TRAPPC9: variants seen among roughly 807,000 people sequenced by gnomAD.
TRAPPC9 encodes IKK2 binding protein.
A neutral mutation model predicts 124.0 loss-of-function variants in TRAPPC9; 83 were observed. The ratio of observed to expected loss-of-function variants is 0.67; its 90% CI spans 0.56 to 0.80. The LOEUF (loss-of-function observed/expected upper bound fraction) is 0.80. Ranked by LOEUF, TRAPPC9 falls within the 30% of genes least tolerant of loss-of-function variation. TRAPPC9 has a pLI of 0.00. For missense variants in TRAPPC9, 1,302 were observed against 1,508.3 expected (o/e 0.86, Z 2.27); for synonymous variants, 638 against 617.5 (o/e 1.03, Z -0.49).
In TRAPPC9 at chr8:139,949,460, G is replaced by A. The variant is rs545808247; in HGVS notation, c.2811-39160C>T. 8.1e-4 allele frequency among the ~76,000 whole-genome samples: 124 copies of A among 152,286 alleles called. 3 individuals are homozygous for A. Among genetic ancestry groups the A allele is most frequent in the African/African-American group, 2.7e-3 (112 of 41,550 alleles). The stretch of plus-strand genomic sequence containing the variant: ...CGCACACAAGAGCACACACAGTAGC[G>A]TCATTCGTGACAGACAAAAGGGGCA... On this transcript the variant is annotated intron_variant, in intron 19 of 22. Coordinates refer to ENST00000438773, the MANE Select transcript of TRAPPC9 (RefSeq NM_001160372.4).
intron 18 of TRAPPC9, among the ~76,000 whole-genome samples, chr8:139,989,272 C>T (rs574607003): frequency 3.9e-5 from 6 of 152,044 alleles, no homozygotes; most frequent in Admixed American, 1.3e-4. Flanking sequence ...CCAGGTTCCA[C>T]GCTGGGCCCT....
chr8:140,213,499 C>G (rs1339374815), intron 17 of TRAPPC9, among the ~76,000 whole-genome samples: 2 of 152,274 alleles, frequency 1.3e-5, no homozygotes, highest in African/African-American at 2.4e-5. Context: ...GTTGCTTTGT[C>G]TATGTTGGGT....
chr8:139,846,491 G>T (rs1350948954), intron 21 of TRAPPC9, among the ~76,000 whole-genome samples: 1 of 152,214 alleles, frequency 6.6e-6, no homozygotes, highest in Non-Finnish European at 1.5e-5. Flanking sequence ...AAATCAAGGG[G>T]AGGCAGTGAA....
At chr8:139,799,915 G>T in intron 21 of TRAPPC9, among the ~76,000 whole-genome samples, 1 of 152,248 alleles carries the variant, frequency 6.6e-6, no homozygotes, top group Non-Finnish European at 1.5e-5. Context: ...GGGAAAGACA[G>T]GCAAGGAAAC....
chr8:140,094,452 C>T (rs1469883383), intron 17 of TRAPPC9, among the ~76,000 whole-genome samples: 1 of 152,192 alleles, frequency 6.6e-6, no homozygotes, highest in East Asian at 1.9e-4. Context: ...ACACCTCCTG[C>T]CCACCACCAC....
chr8:139,868,962 T>C (rs542962442), intron 21 of TRAPPC9, among the ~76,000 whole-genome samples: 65 of 152,180 alleles, frequency 4.3e-4, no homozygotes, highest in Admixed American at 2.1e-3. Context: ...ACAGAAGATG[T>C]AGAAGGAAAG....
intron 21 of TRAPPC9, among the ~76,000 whole-genome samples, chr8:139,783,798 C>T (rs549570877): frequency 1.3e-5 from 2 of 152,218 alleles, no homozygotes; most frequent in Admixed American, 6.5e-5. Context: ...ATATCATTAC[C>T]AACTGAAGAT....
rs1288474641 is a variant in TRAPPC9, at chr8:139,852,797, AT to A, written c.3055+33081del. On this transcript the variant is annotated intron_variant, in intron 21 of 22. Transcript: ENST00000438773. ...TCTGGTTGGCAGATGTGTGTTTCTG[AT>A]TGATGACATGAAAAGGTAAGTTCAT... 2.0e-5 allele frequency among the ~76,000 whole-genome samples: 3 copies of A among 152,230 alleles called. No individual in the cohort carries two copies. The East Asian group carries it at 5.8e-4, about 29-fold the overall frequency.
intron 21 of TRAPPC9, among the ~76,000 whole-genome samples, chr8:139,868,572 T>C (rs566723535): frequency 6.6e-6 from 1 of 152,280 alleles, no homozygotes; most frequent in South Asian, 2.1e-4. Flanking sequence ...ATAAATATAT[T>C]GGGAAAAACG....
At chr8:139,802,767 C>T (rs1237114626) in intron 21 of TRAPPC9, among the ~76,000 whole-genome samples, 1 of 152,168 alleles carries the variant, frequency 6.6e-6, no homozygotes, top group Non-Finnish European at 1.5e-5. Flanking sequence ...TGCCTCTAGG[C>T]TCTGATTTGA....
At chr8:140,235,498 C>T (rs2063710276) in intron 16 of TRAPPC9, among the ~76,000 whole-genome samples, 2 of 152,150 alleles carry the variant, frequency 1.3e-5, no homozygotes, top group South Asian at 4.1e-4. Flanking sequence ...TTAATAGACA[C>T]TTCACAAAAG....
intron 17 of TRAPPC9, among the ~76,000 whole-genome samples, chr8:140,094,407 C>T (rs554237158): frequency 7.9e-5 from 12 of 152,296 alleles, no homozygotes; most frequent in East Asian, 5.8e-4. Flanking sequence ...GAGCCACGCA[C>T]GGTCATTCCA....
At chr8:139,888,057 C>A (rs1211821890) in intron 20 of TRAPPC9, among the ~76,000 whole-genome samples, 1 of 152,186 alleles carries the variant, frequency 6.6e-6, no homozygotes, top group Non-Finnish European at 1.5e-5. Context: ...TGCTCAGGGT[C>A]TTCTTGCTCC....
At chr8:140,358,266 G>C (rs1052177811) in intron 9 of TRAPPC9, among the ~76,000 whole-genome samples, 2 of 152,176 alleles carry the variant, frequency 1.3e-5, no homozygotes, top group Non-Finnish European at 2.9e-5. Context: ...GAGTGCAATG[G>C]CGCAACATTG....
At chr8:140,019,951 G>A in intron 18 of TRAPPC9, among the ~76,000 whole-genome samples, 1 of 152,170 alleles carries the variant, frequency 6.6e-6, no homozygotes. Flanking sequence ...TCCTGCCTCA[G>A]CCTCCTGAGT....
At chr8:140,457,751 C>T, upstream of TRAPPC9, 1 of 996,342 alleles carries the variant, frequency 1.0e-6, no homozygotes, top group Non-Finnish European at 1.2e-6. Context: ...TACTGGCGGC[C>T]GAGCCGGCGC....
chr8:140,414,885 A>G (rs59137021), intron 5 of TRAPPC9, among the ~76,000 whole-genome samples: 1 of 151,944 alleles, frequency 6.6e-6, no homozygotes, highest in Admixed American at 6.6e-5. Context: ...GGGATTACAG[A>G]CGTGCCAACA....
At position 140,230,484 on chromosome 8, in the gene TRAPPC9, C is replaced by T. The variant is rs891833187; in HGVS notation, c.2432-8901G>A. Among the ~76,000 whole-genome samples, 16 of 151,990 alleles carry T rather than the reference C, an allele frequency of 1.1e-4. No homozygotes were observed. In the East Asian group the frequency reaches 1.5e-3, roughly 15 times the overall value. ...AAAATTAGCTGGGCATGGTGGCAGG[C>T]GCCTGTAGTCCCAGCCACTCAGGAG... On this transcript the variant is annotated intron_variant, in intron 16 of 22. Transcript: ENST00000438773.
intron 17 of TRAPPC9, among the ~76,000 whole-genome samples, chr8:140,212,476 T>C (rs1340330345): frequency 2.0e-5 from 3 of 152,212 alleles, no homozygotes; most frequent in African/African-American, 4.8e-5. Flanking sequence ...GGTTAAATAG[T>C]AGATGCTCAA....
Sources: allele counts gnomAD v4.1 joint callset (sites outside exome capture counted in the v4.1 genomes callset), GRCh38; gene constraint gnomAD v4.1.1; transcripts MANE v1.5; gene names NCBI Gene and HGNC (gene_info 2026-07-23, HGNC 2026-07-21).